The following SLC2A13 variants were observed in gnomAD, a reference collection of about 807,000 sequenced individuals.
SLC2A13 encodes the protein proton myo-inositol cotransporter.
SLC2A13 carries 32 observed loss-of-function variants against 64.4 expected under a neutral mutation model. The observed-to-expected ratio is 0.50, with a 90% CI of 0.37 to 0.67. The LOEUF (loss-of-function observed/expected upper bound fraction) is 0.67, where lower values mean the gene tolerates loss of function less well. SLC2A13 is among the 30% of genes least tolerant of loss of function. The pLI is 0.00. For synonymous variants in SLC2A13, 338 were observed against 327.1 expected (o/e 1.03, Z -0.36); for missense variants, 743 against 829.2 (o/e 0.90, Z 1.28).
chr12:39,839,919 C>T (rs572347483), intron 6 of SLC2A13, among the ~76,000 whole-genome samples: 78 of 152,242 alleles, frequency 5.1e-4, no homozygotes, highest in African/African-American at 1.8e-3. Context: ...TTTTGTGTCT[C>T]CCAATCTAAA....
chr12:39,895,481 C>T (rs1278227351), intron 4 of SLC2A13, among the ~76,000 whole-genome samples: 2 of 92,302 alleles, frequency 2.2e-5, no homozygotes, highest in Admixed American at 1.6e-4. Context: ...CAGAGCGAGA[C>T]TCTGTCTCAA....
At chr12:39,924,815 A>T (rs1945689648) in intron 4 of SLC2A13, among the ~76,000 whole-genome samples, 1 of 151,836 alleles carries the variant, frequency 6.6e-6, no homozygotes, top group Non-Finnish European at 1.5e-5. Flanking sequence ...CATGACAGAA[A>T]GCTAACTTGA....
At chr12:39,762,096 C>T (rs1477590318) in intron 9 of SLC2A13, among the ~76,000 whole-genome samples, 1 of 151,966 alleles carries the variant, frequency 6.6e-6, no homozygotes, top group African/African-American at 2.4e-5. Flanking sequence ...CTGAGGAATC[C>T]AAAGCACGCA....
chr12:39,885,287 C>T (rs1944440898), intron 4 of SLC2A13, among the ~76,000 whole-genome samples: 1 of 152,118 alleles, frequency 6.6e-6, no homozygotes, highest in Non-Finnish European at 1.5e-5. Context: ...CAAATGAATG[C>T]TTTCATCTCC....
At chr12:40,081,008 A>C (rs1421471973) in intron 1 of SLC2A13, among the ~76,000 whole-genome samples, 1 of 152,040 alleles carries the variant, frequency 6.6e-6, no homozygotes, top group Non-Finnish European at 1.5e-5. Context: ...TCTTTTCTTT[A>C]AGGCTGCTGA....
chr12:39,972,013 T>TAA (rs1946660911), intron 3 of SLC2A13, among the ~76,000 whole-genome samples: 1 of 16,258 alleles, frequency 6.2e-5, no homozygotes, highest in Non-Finnish European at 1.5e-4. Context: ...TATATATATA[T>TAA]ATTTTTTTTT....
At chr12:39,813,293 C>T (rs575698945) in intron 7 of SLC2A13, among the ~76,000 whole-genome samples, 4 of 151,866 alleles carry the variant, frequency 2.6e-5, no homozygotes, top group African/African-American at 7.3e-5. Context: ...TTTTGACATA[C>T]ATCAAAATTT....
chr12:39,893,703 T>C (rs1466618315), intron 4 of SLC2A13, among the ~76,000 whole-genome samples: 1 of 152,258 alleles, frequency 6.6e-6, no homozygotes, highest in Non-Finnish European at 1.5e-5. Context: ...ATAAAGATTA[T>C]GTGCTTTTTC....
chr12:39,911,944 A>G (rs1023603733), intron 4 of SLC2A13, among the ~76,000 whole-genome samples: 3 of 151,980 alleles, frequency 2.0e-5, no homozygotes, highest in Admixed American at 6.6e-5. Context: ...GAGCTCCCTG[A>G]GCTTGCTTCT....
intron 7 of SLC2A13, among the ~76,000 whole-genome samples, chr12:39,793,423 G>A (rs1479035001): frequency 6.6e-6 from 1 of 152,094 alleles, no homozygotes; most frequent in Non-Finnish European, 1.5e-5. Context: ...GTCAATGTAA[G>A]TCCAATAAAA....
chr12:40,048,686 TAAG>T (rs1948206009), intron 1 of SLC2A13, among the ~76,000 whole-genome samples: 1 of 152,198 alleles, frequency 6.6e-6, no homozygotes, highest in African/African-American at 2.4e-5. Flanking sequence ...GGTTTACTAA[TAAG>T]AAATTCATAT....
intron 7 of SLC2A13, among the ~76,000 whole-genome samples, chr12:39,782,311 G>T (rs1380045935): frequency 6.6e-6 from 1 of 152,048 alleles, no homozygotes; most frequent in Non-Finnish European, 1.5e-5. Flanking sequence ...TGTTGTGGAA[G>T]GTACCCAGGG....
At chr12:40,030,735 A>G (rs1346619219) in intron 2 of SLC2A13, among the ~76,000 whole-genome samples, 1 of 152,196 alleles carries the variant, frequency 6.6e-6, no homozygotes, top group African/African-American at 2.4e-5. Context: ...AGAAAAAAAG[A>G]CAAGGGAAGA....
At position 40,066,463 on chromosome 12, in the gene SLC2A13, T is replaced by C. The variant is rs578012494; in HGVS notation, c.557-18253A>G. ...TCCTTCAGACTCTGCCTAATAAATA[T>C]TCACTAGGAAAAGATGTCCCACTAT... On this transcript the variant is annotated intron_variant, in intron 1 of 9. Coordinates refer to ENST00000280871, the MANE Select transcript of SLC2A13 (RefSeq NM_052885.4). Among the ~76,000 whole-genome samples, 117 of 152,036 alleles carry C rather than the reference T, an allele frequency of 7.7e-4. 1 individual carries two copies. Among genetic ancestry groups the C allele is most frequent in the African/African-American group, 2.7e-3 (111 of 41,514 alleles).
intron 4 of SLC2A13, among the ~76,000 whole-genome samples, chr12:39,937,715 T>A (rs1345240642): frequency 6.6e-6 from 1 of 152,192 alleles, no homozygotes; most frequent in African/African-American, 2.4e-5. Flanking sequence ...TAAATTCACA[T>A]CTGATTCAGG....
At chr12:39,956,102 T>G (rs749544706) in intron 3 of SLC2A13, among the ~76,000 whole-genome samples, 17 of 152,178 alleles carry the variant, frequency 1.1e-4, no homozygotes, top group Non-Finnish European at 2.1e-4. Context: ...TGAACAACTT[T>G]ATGCCATTAA....
chr12:39,846,295 A>G (rs1273456665), intron 6 of SLC2A13, among the ~76,000 whole-genome samples: 1 of 152,116 alleles, frequency 6.6e-6, no homozygotes, highest in Non-Finnish European at 1.5e-5. Context: ...AGGGTACATT[A>G]CACCCTCCCT....
chr12:39,933,698 T>C (rs1174804357), intron 4 of SLC2A13, among the ~76,000 whole-genome samples: 1 of 152,188 alleles, frequency 6.6e-6, no homozygotes, highest in East Asian at 1.9e-4. Flanking sequence ...GTGCTAAGAC[T>C]TGCAAAAGAA....
chr12:39,978,232 C>G (rs1297623365), intron 3 of SLC2A13, among the ~76,000 whole-genome samples: 1 of 152,166 alleles, frequency 6.6e-6, no homozygotes. Context: ...GTCCATCTCC[C>G]CCAAATGGAA....
Sources: allele counts gnomAD v4.1 joint callset (sites outside exome capture counted in the v4.1 genomes callset), GRCh38; gene constraint gnomAD v4.1.1; transcripts MANE v1.5; gene names NCBI Gene and HGNC (gene_info 2026-07-23, HGNC 2026-07-21).